KCNT2: variants seen among roughly 807,000 people sequenced by gnomAD.
KCNT2 encodes the protein potassium sodium-activated channel subfamily T member 2, also known as potassium channel subfamily T member 2.
A neutral mutation model predicts 153.8 loss-of-function variants in KCNT2; 67 were observed. That is an observed-to-expected ratio of 0.44 (90% CI 0.36 to 0.53). The LOEUF (loss-of-function observed/expected upper bound fraction) is 0.53, where lower values mean the gene tolerates loss of function less well. Among genes scored for constraint, KCNT2 ranks in the 20% least tolerant of loss-of-function variants. The probability of loss-of-function intolerance (pLI) is 0.00; values close to 1 mark genes in which losing one functional copy is unlikely to be tolerated. For synonymous variants in KCNT2, 500 were observed against 458.8 expected, an observed-to-expected ratio of 1.09 and a Z score of -1.15; for missense variants, 975 against 1,354.8, an observed-to-expected ratio of 0.72 and a Z score of 4.40.
intron 1 of KCNT2, among the ~76,000 whole-genome samples, chr1:196,593,120 T>G (rs1663588057): frequency 6.6e-6 from 1 of 150,788 alleles, no homozygotes; most frequent in Non-Finnish European, 1.5e-5. Context: ...CTATCATTCT[T>G]ATGCCTTTGC....
At chr1:196,564,981 T>C (rs1659907460) in intron 1 of KCNT2, among the ~76,000 whole-genome samples, 1 of 151,542 alleles carries the variant, frequency 6.6e-6, no homozygotes, top group Non-Finnish European at 1.5e-5. Context: ...CAAATAGGGT[T>C]ACATAAAACA....
intron 1 of KCNT2, among the ~76,000 whole-genome samples, chr1:196,494,501 G>A (rs977354414): frequency 6.6e-6 from 1 of 151,980 alleles, no homozygotes; most frequent in Non-Finnish European, 1.5e-5. Flanking sequence ...CCGGGTTCAC[G>A]CCATTCTTCT....
chr1:196,339,520 C>CAGAGAGAGAGAGAGAGAGAGAG (rs5779831), intron 16 of KCNT2, among the ~76,000 whole-genome samples: 7 of 138,006 alleles, frequency 5.1e-5, no homozygotes, highest in African/African-American at 2.0e-4. Context: ...CACACACACA[C>CAGAGAGAGAGAGAGAGAGAGAG]AGAGAGAGAG....
At chr1:196,321,040 T>C (rs1429484530) in intron 19 of KCNT2, among the ~76,000 whole-genome samples, 1 of 151,626 alleles carries the variant, frequency 6.6e-6, no homozygotes, top group Non-Finnish European at 1.5e-5. Context: ...GGAAGGGATA[T>C]TAGTGGATCA....
chr1:196,257,132 A>G (rs1656584570), intron 26 of KCNT2: 5 of 629,510 alleles, frequency 7.9e-6, no homozygotes, highest in Non-Finnish European at 9.9e-6. Flanking sequence ...CAAAATTCTG[A>G]AAGGTAAAAT....
At chr1:196,428,897 G>C (rs1349080110) in intron 9 of KCNT2, among the ~76,000 whole-genome samples, 1 of 152,048 alleles carries the variant, frequency 6.6e-6, no homozygotes, top group African/African-American at 2.4e-5. Context: ...TTATAGGAAA[G>C]AGTTAGAGAT....
chr1:196,319,401 C>G, intron 20 of KCNT2, 83 bp downstream of exon 20: 1 of 754,650 alleles, frequency 1.3e-6, no homozygotes. Flanking sequence ...GCAAATTACA[C>G]TCATCATGCA....
intron 26 of KCNT2, chr1:196,257,220 C>A (rs1034205209): frequency 6.4e-5 from 63 of 984,214 alleles, no homozygotes; most frequent in Non-Finnish European, 7.1e-5. Flanking sequence ...CCTGGAGTAG[C>A]ACACATAGCA....
chr1:196,492,406 T>A, intron 1 of KCNT2, 65 bp from the exon 2 acceptor site: 1 of 1,125,992 alleles, frequency 8.9e-7, no homozygotes, highest in Non-Finnish European at 1.2e-6. Flanking sequence ...TTCATGAAGA[T>A]CAACAAATAT....
intron 16 of KCNT2, among the ~76,000 whole-genome samples, chr1:196,339,842 T>TG (rs954411085): frequency 3.9e-5 from 6 of 151,988 alleles, no homozygotes; most frequent in Admixed American, 2.0e-4. Flanking sequence ...CCAAGTTCAG[T>TG]GGTGAGAGTG....
In KCNT2 at chr1:196,465,284, C is replaced by T. The variant is rs761844095; in HGVS notation, c.638+9G>A. The T allele has an allele frequency of 5.0e-6, 7 of 1,389,882 alleles. No homozygotes were observed. Among genetic ancestry groups the T allele is most frequent in the Non-Finnish European group, 2.0e-6 (2 of 982,684 alleles). 86.1% of individuals were successfully genotyped at this position (1,389,882 alleles called of 1,614,324 possible). Reference sequence around the variant, plus strand: ...AACATAACACAAATTCTGATATGTACAATCTTACCAGGTGAAGATAAGGCA... The same window carrying T: ...AACATAACACAAATTCTGATATGTATAATCTTACCAGGTGAAGATAAGGCA... On this transcript the variant is annotated intron_variant, in intron 8 of 27. Coordinates refer to ENST00000294725, the MANE Select transcript of KCNT2 (RefSeq NM_198503.5).
intron 22 of KCNT2, among the ~76,000 whole-genome samples, chr1:196,287,614 T>C (rs908995223): frequency 1.2e-4 from 19 of 152,216 alleles, no homozygotes; most frequent in African/African-American, 4.3e-4. Flanking sequence ...TGATACCACC[T>C]TAAACAGCAA....
At chr1:196,554,435 G>T (rs1385431284) in intron 1 of KCNT2, among the ~76,000 whole-genome samples, 1 of 150,896 alleles carries the variant, frequency 6.6e-6, no homozygotes, top group Non-Finnish European at 1.5e-5. Flanking sequence ...GACACATAGG[G>T]AGTACCAAGA....
chr1:196,585,884 A>G (rs1177956418), intron 1 of KCNT2, among the ~76,000 whole-genome samples: 1 of 152,118 alleles, frequency 6.6e-6, no homozygotes, highest in African/African-American at 2.4e-5. Flanking sequence ...GTTACATTTT[A>G]TAGAGGCAAT....
In KCNT2 at chr1:196,608,334, C is replaced by G. The variant is rs767833081; in HGVS notation, c.-25G>C. On this transcript the variant is annotated 5_prime_UTR_variant, in exon 1 of 28. Transcript: ENST00000294725. Reference sequence around the variant, plus strand: ...TCCTTCCTCAAAGAGTGGGAAACATCAAACAACAAATGGAGGAGAGGAGGG... The same window carrying G: ...TCCTTCCTCAAAGAGTGGGAAACATGAAACAACAAATGGAGGAGAGGAGGG... The G allele has an allele frequency of 1.3e-6, 2 of 1,568,002 alleles. No homozygotes were observed. Among genetic ancestry groups the G allele is most frequent in the South Asian group, 1.1e-5 (1 of 90,148 alleles).
intron 13 of KCNT2, among the ~76,000 whole-genome samples, chr1:196,388,103 A>G (rs1050848620): frequency 6.6e-6 from 1 of 151,658 alleles, no homozygotes; most frequent in African/African-American, 2.4e-5. Context: ...GTGTGGTGTG[A>G]GGTAAGGCTC....
At chr1:196,255,878 C>A (rs1656440819) in intron 26 of KCNT2, among the ~76,000 whole-genome samples, 1 of 151,800 alleles carries the variant, frequency 6.6e-6, no homozygotes, top group African/African-American at 2.4e-5. Flanking sequence ...ATTATTTCAG[C>A]CTAACCTGTA....
At chr1:196,436,432 A>G (rs891881783) in intron 8 of KCNT2, among the ~76,000 whole-genome samples, 1 of 151,588 alleles carries the variant, frequency 6.6e-6, no homozygotes, top group East Asian at 1.9e-4. Flanking sequence ...TATAAGAATT[A>G]AGGCAAAGAC....
intron 1 of KCNT2, among the ~76,000 whole-genome samples, chr1:196,589,826 TAC>T (rs67641911): frequency 0.78 from 118,152 of 151,872 alleles, 49,498 homozygotes; most frequent in East Asian, 0.97. Flanking sequence ...AATTTATGCA[TAC>T]AGATTTCTAA....
Sources: allele counts gnomAD v4.1 joint callset (sites outside exome capture counted in the v4.1 genomes callset), GRCh38; gene constraint gnomAD v4.1.1; transcripts MANE v1.5; gene names NCBI Gene and HGNC (gene_info 2026-07-23, HGNC 2026-07-21).